Variants in R3HDM2 observed in about 807,000 individuals in gnomAD.
R3HDM2 encodes the protein R3H domain-containing protein 2.
In R3HDM2, 38 loss-of-function variants were observed where a neutral mutation model predicts 124.5. The ratio of observed to expected loss-of-function variants is 0.31; its 90% confidence interval spans 0.24 to 0.40. R3HDM2 has a LOEUF of 0.40. R3HDM2 is among the 10% of genes least tolerant of loss of function. The pLI is 1.00. For missense variants in R3HDM2, 869 were observed against 1,236.9 expected (o/e 0.70, Z 4.46); for synonymous variants, 391 against 448.0 (o/e 0.87, Z 1.61).
intron 4 of R3HDM2, 27 bp from the exon 5 acceptor site, chr12:57,300,208 A>G (rs968576639): frequency 1.3e-6 from 2 of 1,516,822 alleles, no homozygotes; most frequent in Admixed American, 2.0e-5. Context: ...ACAATTTTCA[A>G]TTTTTTTAAT....
At chr12:57,270,110 G>T in intron 14 of R3HDM2, 116 bp from the exon 15 acceptor site, 1 of 1,256,840 alleles carries the variant, frequency 8.0e-7, no homozygotes, top group Non-Finnish European at 1.1e-6. Flanking sequence ...AAACAATGGG[G>T]GATAGTCCTA....
intron 19 of R3HDM2, among the ~76,000 whole-genome samples, chr12:57,264,976 G>A (rs2041957313): frequency 6.6e-6 from 1 of 152,096 alleles, no homozygotes; most frequent in African/African-American, 2.4e-5. Flanking sequence ...GCTATTTGAG[G>A]GTAGGGTGAA....
intron 2 of R3HDM2, among the ~76,000 whole-genome samples, chr12:57,358,217 T>A (rs1326654201): frequency 6.6e-6 from 1 of 151,936 alleles, no homozygotes; most frequent in East Asian, 1.9e-4. Context: ...TAACTCCCAA[T>A]CTCAAGTGAT....
At chr12:57,297,045 C>T (rs2050041567) in intron 8 of R3HDM2, 1 of 301,562 alleles carries the variant, frequency 3.3e-6, no homozygotes, top group African/African-American at 2.2e-5. Flanking sequence ...CAAAGAAAGA[C>T]TGTCTCAAAA....
intron 2 of R3HDM2, among the ~76,000 whole-genome samples, chr12:57,360,079 A>G (rs2061748940): frequency 7.3e-6 from 1 of 136,722 alleles, no homozygotes; most frequent in African/African-American, 2.8e-5. Context: ...CTCAGGCTGG[A>G]GTGTAGTGGC....
rs571027925 is a variant in R3HDM2 at position 57,316,352 on chromosome 12, G to GT, written c.-35-5890dup. Among the ~76,000 whole-genome samples the GT allele has an allele frequency of 1.1e-3, 167 of 152,282 alleles. 1 individual carries two copies. The highest frequency in any genetic ancestry group is 3.7e-3 in the African/African-American group (155 of 41,560). ...ATATAAATTAGTTAAACCAATTGTG[G>GT]TAATTCTGTTTCCTTTTTGTGACTG... On this transcript the variant is annotated intron_variant, in intron 2 of 23. Transcript: ENST00000402412.
intron 2 of R3HDM2, among the ~76,000 whole-genome samples, chr12:57,324,735 A>G (rs930718816): frequency 8.5e-5 from 13 of 152,228 alleles, no homozygotes; most frequent in Non-Finnish European, 1.9e-4. Flanking sequence ...CTAAATGAGT[A>G]CATGACTAAG....
intron 2 of R3HDM2, among the ~76,000 whole-genome samples, chr12:57,324,372 G>A (rs371847845): frequency 4.6e-5 from 7 of 151,996 alleles, no homozygotes; most frequent in African/African-American, 7.2e-5. Context: ...TAGTAGAGAC[G>A]GGGTTTCACC....
chr12:57,360,547 A>T (rs779673257), intron 2 of R3HDM2, among the ~76,000 whole-genome samples: 1 of 151,968 alleles, frequency 6.6e-6, no homozygotes, highest in Non-Finnish European at 1.5e-5. Flanking sequence ...GCTTCAGCCT[A>T]TAAGTTCGAG....
At chr12:57,382,489 T>C (rs1233519408) in intron 2 of R3HDM2, among the ~76,000 whole-genome samples, 3 of 143,862 alleles carry the variant, frequency 2.1e-5, no homozygotes, top group Non-Finnish European at 4.5e-5. Flanking sequence ...TCAAGTAATC[T>C]GCCTGCCTCA....
At chr12:57,353,564 TG>T (rs1239376354) in intron 2 of R3HDM2, among the ~76,000 whole-genome samples, 1 of 152,146 alleles carries the variant, frequency 6.6e-6, no homozygotes, top group Non-Finnish European at 1.5e-5. Flanking sequence ...ATATCTGGGT[TG>T]TTTCCCATTT....
At chr12:57,386,552 C>G (rs181913351) in intron 2 of R3HDM2, among the ~76,000 whole-genome samples, 1,836 of 152,326 alleles carry the variant, frequency 0.012, 32 homozygotes, top group African/African-American at 0.041. Context: ...AGCCTCCCCC[C>G]GCTTCTGTGG....
At chr12:57,261,535 T>C (rs2040813558) in intron 19 of R3HDM2, among the ~76,000 whole-genome samples, 1 of 151,986 alleles carries the variant, frequency 6.6e-6, no homozygotes, top group Admixed American at 6.6e-5. Context: ...TTATCTCTGC[T>C]CCCAACAAAA....
At chr12:57,257,935 G>A in intron 21 of R3HDM2, 55 bp downstream of exon 21, 1 of 1,397,062 alleles carries the variant, frequency 7.2e-7, no homozygotes, top group Non-Finnish European at 9.5e-7. Flanking sequence ...CTGCAATTGG[G>A]AATGGGATGT....
intron 1 of R3HDM2, among the ~76,000 whole-genome samples, chr12:57,399,217 C>T (rs950296380): frequency 1.3e-5 from 2 of 151,940 alleles, no homozygotes; most frequent in African/African-American, 2.4e-5. Flanking sequence ...GCCTGGCTGG[C>T]GTGGTGAAAC....
At chr12:57,396,365 C>T (rs992297698) in intron 1 of R3HDM2, among the ~76,000 whole-genome samples, 7 of 151,920 alleles carry the variant, frequency 4.6e-5, no homozygotes, top group African/African-American at 1.7e-4. Flanking sequence ...CACTTGAACC[C>T]GGGAGACGGA....
intron 2 of R3HDM2, 123 bp from the exon 3 acceptor site, chr12:57,310,586 T>C (rs766959042): frequency 4.4e-6 from 2 of 455,770 alleles, no homozygotes; most frequent in Non-Finnish European, 7.1e-6. Flanking sequence ...AAAAGAGTTA[T>C]TTAATAAATG....
At chr12:57,383,262 G>T (rs781126257) in intron 2 of R3HDM2, among the ~76,000 whole-genome samples, 5 of 152,178 alleles carry the variant, frequency 3.3e-5, no homozygotes, top group Non-Finnish European at 5.9e-5. Flanking sequence ...CAAGGCTGCA[G>T]TGAGCTGTGG....
chr12:57,353,286 T>C (rs953158892), intron 2 of R3HDM2, among the ~76,000 whole-genome samples: 3 of 151,958 alleles, frequency 2.0e-5, no homozygotes, highest in Admixed American at 6.6e-5. Context: ...AAAAAGAAAA[T>C]GACAAGTAAG....
Sources: allele counts gnomAD v4.1 joint callset (sites outside exome capture counted in the v4.1 genomes callset), GRCh38; gene constraint gnomAD v4.1.1; transcripts MANE v1.5; gene names NCBI Gene and HGNC (gene_info 2026-07-23, HGNC 2026-07-21).